C1QTNF9: variants seen among roughly 807,000 people sequenced by gnomAD.
C1QTNF9 encodes complement C1q and tumor necrosis factor-related protein 9A.
C1QTNF9 carries 6 observed loss-of-function variants against 10.1 expected under a neutral mutation model. The observed-to-expected ratio is 0.59, with a 90% confidence interval of 0.32 to 1.17. The LOEUF is 1.17. Ranked by LOEUF, C1QTNF9 falls within the 50% of genes most tolerant of loss-of-function variation. The pLI, the probability that C1QTNF9 is intolerant of heterozygous loss-of-function variation, is 0.04. For missense variants in C1QTNF9, 201 were observed against 418.8 expected, an observed-to-expected ratio of 0.48 and a Z score of 4.54; for synonymous variants, 98 against 163.5, an observed-to-expected ratio of 0.60 and a Z score of 3.06.
intron 2 of C1QTNF9, among the ~76,000 whole-genome samples, chr13:24,318,472 G>A (rs1467373836): frequency 2.6e-5 from 4 of 151,900 alleles, no homozygotes; most frequent in Non-Finnish European, 4.4e-5. Flanking sequence ...TTCAGACCAC[G>A]TCCCAAGTCC....
intron 2 of C1QTNF9, among the ~76,000 whole-genome samples, chr13:24,316,476 A>T (rs1157867622): frequency 6.6e-6 from 1 of 152,188 alleles, no homozygotes; most frequent in Non-Finnish European, 1.5e-5. Flanking sequence ...CATTTTCAGT[A>T]GTATACGATG....
intron 2 of C1QTNF9, among the ~76,000 whole-genome samples, chr13:24,317,966 A>G (rs972187610): frequency 1.3e-5 from 2 of 152,086 alleles, no homozygotes; most frequent in Non-Finnish European, 2.9e-5. Flanking sequence ...AGGAGAACAG[A>G]CATCGTGACA....
At position 24,315,869 on chromosome 13, in the gene C1QTNF9, G is replaced by A. The variant is rs1455685548; in HGVS notation, c.-22-113G>A. 4.4e-6 allele frequency: 5 copies of A among 1,135,024 alleles called. 1 individual carries two copies. The South Asian group carries it at 4.5e-5, about 10-fold the overall frequency. The allele number at this position is 1,135,024 out of a possible 1,614,324, so 70.3% of individuals were successfully genotyped here. On this transcript the variant is annotated intron_variant, in intron 1 of 3. Coordinates refer to ENST00000332018, the Ensembl canonical transcript of C1QTNF9. ...GCCTTCTGTCCAAGTTTGTGCAGGT[G>A]TGGGTCTGGGGCAGGGGACAGCTCA...
chr13:24,320,918 T>C, intron 3 of C1QTNF9, 78 bp from the exon 4 acceptor site: 1 of 1,491,244 alleles, frequency 6.7e-7, no homozygotes, highest in Non-Finnish European at 9.1e-7. Context: ...ATTTGTGAGC[T>C]CAATTATAGA....
intron 1 of C1QTNF9, among the ~76,000 whole-genome samples, chr13:24,313,833 G>T (rs1479115639): frequency 6.6e-6 from 1 of 152,182 alleles, no homozygotes. Context: ...TTGAGTTTTT[G>T]TCAATATTCA....
chr13:24,312,757 C>G (rs903019911), intron 1 of C1QTNF9, among the ~76,000 whole-genome samples: 4 of 151,954 alleles, frequency 2.6e-5, no homozygotes, highest in Admixed American at 6.6e-5. Context: ...GAAATCGAGA[C>G]CATCCTGGCT....
chr13:24,319,761 C>T (rs1268445390), intron 3 of C1QTNF9, among the ~76,000 whole-genome samples: 2 of 152,110 alleles, frequency 1.3e-5, no homozygotes, highest in Admixed American at 6.6e-5. Flanking sequence ...GAACTGGTCC[C>T]TGATGGGTCG....
chr13:24,308,443 G>A (rs931124684), upstream of C1QTNF9, among the ~76,000 whole-genome samples: 1 of 152,248 alleles, frequency 6.6e-6, no homozygotes, highest in Admixed American at 6.5e-5. Context: ...AGTGGGGGCA[G>A]GCTGCGGGGT....
intron 1 of C1QTNF9, among the ~76,000 whole-genome samples, chr13:24,312,922 T>C (rs1310532217): frequency 8.6e-5 from 12 of 139,804 alleles, no homozygotes; most frequent in African/African-American, 1.6e-4. Context: ...GCCACTGCAC[T>C]CCAGCCTGGG....
intron 2 of C1QTNF9, among the ~76,000 whole-genome samples, chr13:24,317,283 GTATT>G (rs1462013628): frequency 1.8e-4 from 25 of 142,682 alleles, no homozygotes; most frequent in African/African-American, 6.5e-4. Flanking sequence ...GTGTGTGTGT[GTATT>G]GTATTTCTGA....
At chr13:24,308,186 G>A (rs1877670418), upstream of C1QTNF9, among the ~76,000 whole-genome samples, 1 of 152,242 alleles carries the variant, frequency 6.6e-6, no homozygotes, top group Admixed American at 6.5e-5. Flanking sequence ...GGTCCAGGCC[G>A]GCAGGCTGCC....
chr13:24,320,401 T>G (rs1304289867), intron 3 of C1QTNF9, among the ~76,000 whole-genome samples: 1 of 152,198 alleles, frequency 6.6e-6, no homozygotes, highest in Non-Finnish European at 1.5e-5. Context: ...TTTATTTTTT[T>G]TGAGACAGAA....
chr13:24,311,535 G>A (rs1301703447), intron 1 of C1QTNF9, among the ~76,000 whole-genome samples: 5 of 152,096 alleles, frequency 3.3e-5, no homozygotes, highest in African/African-American at 4.8e-5. Context: ...GACTGTTGTC[G>A]CTTTTTACAT....
At chr13:24,310,365 G>C (rs1183859868) in intron 1 of C1QTNF9, among the ~76,000 whole-genome samples, 2 of 146,348 alleles carry the variant, frequency 1.4e-5, no homozygotes, top group African/African-American at 5.0e-5. Flanking sequence ...GGGTTTCACT[G>C]TGGTCTCGAT....
chr13:24,312,954 C>CAAAAAAAAAAAAAAAAAA (rs34668112), intron 1 of C1QTNF9, among the ~76,000 whole-genome samples: 1 of 115,896 alleles, frequency 8.6e-6, no homozygotes. Context: ...GACTCTATCT[C>CAAAAAAAAAAAAAAAAAA]AAAAAAAAAA....
intron 3 of C1QTNF9, among the ~76,000 whole-genome samples, chr13:24,320,029 C>A (rs569447711): frequency 7.9e-5 from 12 of 152,186 alleles, no homozygotes; most frequent in African/African-American, 2.9e-4. Flanking sequence ...AAGGAAGCAG[C>A]AAGGTTTCTG....
At chr13:24,313,613 T>C (rs1877918700) in intron 1 of C1QTNF9, among the ~76,000 whole-genome samples, 1 of 152,168 alleles carries the variant, frequency 6.6e-6, no homozygotes, top group Non-Finnish European at 1.5e-5. Flanking sequence ...GCATTTCCTT[T>C]CCCAAAAATA....
At chr13:24,320,188 A>G (rs202232744) in intron 3 of C1QTNF9, among the ~76,000 whole-genome samples, 10,372 of 150,230 alleles carry the variant, frequency 0.069, 525 homozygotes, top group East Asian at 0.23. Flanking sequence ...CAGTTAATCT[A>G]CCTGTCTCTG....
At chr13:24,320,540 G>A (rs867824880) in intron 3 of C1QTNF9, among the ~76,000 whole-genome samples, 3 of 152,032 alleles carry the variant, frequency 2.0e-5, no homozygotes, top group Admixed American at 1.3e-4. Context: ...GTGCACCACC[G>A]CGCCTGGCTA....
Sources: allele counts gnomAD v4.1 joint callset (sites outside exome capture counted in the v4.1 genomes callset), GRCh38; gene constraint gnomAD v4.1.1; transcripts MANE v1.5; gene names NCBI Gene and HGNC (gene_info 2026-07-23, HGNC 2026-07-21).